Variants in SNTB2 observed in about 807,000 individuals in gnomAD.
The protein encoded by SNTB2 is syntrophin beta 2, also known as beta-2-syntrophin.
A neutral mutation model predicts 46.2 loss-of-function variants in SNTB2; 34 were observed. The ratio of observed to expected loss-of-function variants is 0.74; its 90% CI spans 0.56 to 0.98. The LOEUF is 0.98. Among genes scored for constraint, SNTB2 ranks in the 50% least tolerant of loss-of-function variants. SNTB2 has a pLI of 0.00. For synonymous variants in SNTB2, 290 were observed against 312.6 expected (o/e 0.93, Z 0.76); for missense variants, 603 against 731.4 (o/e 0.82, Z 2.02).
intron 1 of SNTB2, among the ~76,000 whole-genome samples, chr16:69,220,534 GTT>G (rs535327994): frequency 1.4e-5 from 2 of 140,912 alleles, no homozygotes; most frequent in Non-Finnish European, 1.6e-5. Context: ...TCCATGTTTT[GTT>G]TTTTTTTTTG....
At chr16:69,216,450 C>T (rs947508097) in intron 1 of SNTB2, among the ~76,000 whole-genome samples, 2 of 151,302 alleles carry the variant, frequency 1.3e-5, no homozygotes, top group African/African-American at 2.4e-5. Context: ...TGGGAGGCCA[C>T]GGTGGGAGGA....
In SNTB2 at chr16:69,187,754, G is replaced by A. The variant is rs1036752884; in HGVS notation, c.580+8G>A. 41 of 1,431,846 alleles carry A rather than the reference G, an allele frequency of 2.9e-5. No individual in the cohort carries two copies. The highest frequency in any genetic ancestry group is 5.6e-5 in the Admixed American group (2 of 35,762). 88.7% of individuals were successfully genotyped at this position (1,431,846 alleles called of 1,614,324 possible). The stretch of plus-strand genomic sequence containing the variant: ...AGGAGGTGCTGCTGGAGGGTGAGCG[G>A]GGCCGGGCGGGAGGGTGGGCAGGCC... On this transcript the variant is annotated splice_region_variant and intron_variant, in intron 1 of 6. Transcript: ENST00000336278.
chr16:69,196,613 T>G (rs1964108717), intron 1 of SNTB2, among the ~76,000 whole-genome samples: 2 of 152,128 alleles, frequency 1.3e-5, no homozygotes, highest in South Asian at 4.1e-4. Context: ...GACCTTGTGA[T>G]CTGCCCACCT....
intron 1 of SNTB2, among the ~76,000 whole-genome samples, chr16:69,214,141 T>A (rs1054650672): frequency 7.4e-5 from 11 of 148,074 alleles, no homozygotes; most frequent in African/African-American, 2.5e-4. Flanking sequence ...TTTTTTTTTT[T>A]ATTTTTTTTG....
At chr16:69,229,261 C>T (rs1355431282) in intron 1 of SNTB2, among the ~76,000 whole-genome samples, 3 of 152,058 alleles carry the variant, frequency 2.0e-5, no homozygotes, top group African/African-American at 7.2e-5. Context: ...CCTCAGCCAC[C>T]CAGGCTCAGA....
intron 1 of SNTB2, among the ~76,000 whole-genome samples, chr16:69,238,488 A>C (rs1964579444): frequency 6.6e-6 from 1 of 152,192 alleles, no homozygotes; most frequent in Non-Finnish European, 1.5e-5. Context: ...TGACTGATAC[A>C]GTGATCTTAT....
rs1963999400 is a variant in SNTB2, at chr16:69,187,378, A to G, written c.212A>G (p.Asn71Ser). ...CTGGGACCCGCGGCCGCCGCCTTCA[A>G]CGGCCTCCCAAACGGCGGCGGCGCG... Reference protein sequence around the residue: ...PALGPAAAAFNGLPNGGGAGD... With the variant: ...PALGPAAAAFSGLPNGGGAGD... Residue 71 changes from asparagine (N) to serine (S), a missense_variant, in exon 1 of 7, where the codon AAC (asparagine) becomes AGC (serine). By Grantham distance (46) the Asn-to-Ser change is conservative. This residue lies in a region of SNTB2 where 537 missense variants were observed against 692.4 expected (regional missense o/e 0.78). Coordinates refer to ENST00000336278, the MANE Select transcript of SNTB2 (RefSeq NM_006750.4). The G allele has an allele frequency of 1.1e-5, 15 of 1,344,908 alleles. No homozygotes were observed. Among genetic ancestry groups the G allele is most frequent in the East Asian group, 9.4e-5 (3 of 31,962 alleles). The allele number at this position is 1,344,908 out of a possible 1,614,324, so 83.3% of individuals were successfully genotyped here.
At chr16:69,287,763 G>A (rs1965118568) in intron 5 of SNTB2, among the ~76,000 whole-genome samples, 2 of 151,920 alleles carry the variant, frequency 1.3e-5, no homozygotes, top group Admixed American at 1.3e-4. Context: ...GGATGGTGAG[G>A]CACAAGAATT....
chr16:69,192,415 G>A (rs1249230019), intron 1 of SNTB2, among the ~76,000 whole-genome samples: 6 of 152,190 alleles, frequency 3.9e-5, no homozygotes, highest in Admixed American at 2.0e-4. Context: ...GTGGAAAAGT[G>A]AAATAATTTG....
intron 1 of SNTB2, among the ~76,000 whole-genome samples, chr16:69,213,491 A>G (rs966346275): frequency 1.4e-5 from 2 of 146,774 alleles, no homozygotes; most frequent in African/African-American, 5.2e-5. Flanking sequence ...TATGATAAAT[A>G]CTGTTATTCT....
chr16:69,299,722 A>T lies in SNTB2; in HGVS notation c.1478A>T (p.Asp493Val). The T allele has an allele frequency of 6.2e-7, 1 of 1,614,206 alleles. No individual in the cohort carries two copies. The highest frequency in any genetic ancestry group is 8.5e-7 in the Non-Finnish European group (1 of 1,180,036). ...TTTGAAAGGCTGAAGATGTCTGCTG[A>T]TGATGGCATCCGAAATCTATACTTG... ...YPFERLKMSA[D>V]DGIRNLYLDF... The change falls in exon 6 of 7, where the codon GAT (aspartate) becomes GTT (valine). Residue 493 changes from aspartate (D) to valine (V), a missense_variant. Asp to Val is a radical substitution (Grantham distance 152, BLOSUM62 -3). Around this residue, in one of 2 missense-constraint regions of SNTB2, gnomAD observed 537 missense variants for 692.4 expected, o/e 0.78. Transcript: ENST00000336278.
chr16:69,250,506 C>T (rs1964715704), intron 2 of SNTB2, among the ~76,000 whole-genome samples: 1 of 152,138 alleles, frequency 6.6e-6, no homozygotes, highest in Admixed American at 6.5e-5. Context: ...TCCTTGTGAC[C>T]TTAAATAAGT....
In SNTB2 at chr16:69,251,987, A is replaced by G. The variant is rs1964731953; in HGVS notation, c.794+6172A>G. On this transcript the variant is annotated intron_variant, in intron 2 of 6. Transcript: ENST00000336278. ...TCTTCCAAAGTAATTGTGCCATTTT[A>G]TGTTCCTGCCAATATATGAGAGTTT... Among the ~76,000 whole-genome samples, 5 of 152,354 alleles carry G rather than the reference A, an allele frequency of 3.3e-5. No individual in the cohort carries two copies. The South Asian group carries it at 1.0e-3, about 32-fold the overall frequency.
intron 1 of SNTB2, among the ~76,000 whole-genome samples, chr16:69,238,737 C>T (rs1313642673): frequency 2.0e-5 from 3 of 152,022 alleles, no homozygotes; most frequent in Non-Finnish European, 2.9e-5. Context: ...TTTTGCCACC[C>T]CCTTATGTAA....
At position 69,284,209 on chromosome 16, in the gene SNTB2, A is replaced by G. The variant is rs1965078150; in HGVS notation, c.1310A>G (p.His437Arg). 5 of 1,613,906 alleles carry G rather than the reference A, an allele frequency of 3.1e-6. No homozygotes were observed. The highest frequency in any genetic ancestry group is 4.2e-6 in the Non-Finnish European group (5 of 1,179,914). Residue 437 changes from histidine to arginine, a missense_variant, in exon 5 of 7, where the codon CAT becomes CGT. Around this residue, in one of 2 missense-constraint regions of SNTB2, gnomAD observed 537 missense variants for 692.4 expected, o/e 0.78. Coordinates refer to ENST00000336278, the MANE Select transcript of SNTB2 (RefSeq NM_006750.4). ...ACCAGGATACTTGTTCAGGGTTGCC[A>G]TGCTGCTGCTGAGCTGATCAAGGAA... ...SWTRILVQGC[H>R]AAAELIKEVS...
At chr16:69,281,273 C>G (rs1351580297) in intron 4 of SNTB2, among the ~76,000 whole-genome samples, 1 of 151,534 alleles carries the variant, frequency 6.6e-6, no homozygotes, top group Non-Finnish European at 1.5e-5. Flanking sequence ...CTCTTGTCCC[C>G]CAGGCTGGAG....
At chr16:69,262,965 T>C (rs1169182647) in intron 3 of SNTB2, among the ~76,000 whole-genome samples, 4 of 152,178 alleles carry the variant, frequency 2.6e-5, no homozygotes, top group African/African-American at 9.6e-5. Flanking sequence ...AATACATTAT[T>C]ATTAACTATA....
At chr16:69,286,192 T>G (rs1043299147) in intron 5 of SNTB2, among the ~76,000 whole-genome samples, 1 of 152,218 alleles carries the variant, frequency 6.6e-6, no homozygotes, top group Non-Finnish European at 1.5e-5. Context: ...TTCAAGCTAT[T>G]CTCTGGTCTT....
chr16:69,214,463 T>C (rs1444613331), intron 1 of SNTB2, among the ~76,000 whole-genome samples: 1 of 151,928 alleles, frequency 6.6e-6, no homozygotes, highest in African/African-American at 2.4e-5. Context: ...TTAGAGTTTT[T>C]GTGTAGTGTG....
Sources: gnomAD v4.1 joint callset for allele counts (sites outside exome capture counted in the v4.1 genomes callset) on GRCh38, gnomAD v4.1.1 for gene constraint, gnomAD v4.1.1 regional missense constraint, MANE v1.5 for transcripts, NCBI Gene and HGNC (gene_info 2026-07-23, HGNC 2026-07-21) for gene names.